ELOVL6: variants seen among roughly 807,000 people sequenced by gnomAD.
ELOVL6 encodes ELOVL fatty acid elongase 6.
ELOVL6 carries 8 observed loss-of-function variants against 31.7 expected under a neutral mutation model. That is an observed-to-expected ratio of 0.25 (90% CI 0.15 to 0.45). ELOVL6 has a LOEUF of 0.45. ELOVL6 is among the 20% of genes least tolerant of loss of function. ELOVL6 has a pLI of 1.00. For synonymous variants in ELOVL6, 101 were observed against 117.7 expected (o/e 0.86, Z 0.92); for missense variants, 126 against 326.4 (o/e 0.39, Z 4.73).
chr4:110,055,488 C>T (rs1754956456), intron 3 of ELOVL6, among the ~76,000 whole-genome samples: 1 of 152,206 alleles, frequency 6.6e-6, no homozygotes, highest in Non-Finnish European at 1.5e-5. Context: ...TTTGGTCCAA[C>T]TATTTTCATT....
chr4:110,080,959 G>A (rs1460626676), intron 2 of ELOVL6, among the ~76,000 whole-genome samples: 4 of 152,094 alleles, frequency 2.6e-5, no homozygotes, highest in African/African-American at 9.7e-5. Context: ...CAGACTAACA[G>A]AGAGCCAAAT....
At chr4:110,062,154 T>C (rs897049965) in intron 2 of ELOVL6, among the ~76,000 whole-genome samples, 1 of 152,138 alleles carries the variant, frequency 6.6e-6, no homozygotes, top group Non-Finnish European at 1.5e-5. Flanking sequence ...ATTCACAAGT[T>C]TGAGGGCTAG....
At chr4:110,078,438 C>T (rs1250853431) in intron 2 of ELOVL6, among the ~76,000 whole-genome samples, 1 of 152,204 alleles carries the variant, frequency 6.6e-6, no homozygotes, top group Non-Finnish European at 1.5e-5. Flanking sequence ...CAATATTCAA[C>T]ATTCTTAAAG....
intron 1 of ELOVL6, among the ~76,000 whole-genome samples, chr4:110,185,610 T>C (rs1422540946): frequency 6.6e-6 from 1 of 152,138 alleles, no homozygotes; most frequent in Non-Finnish European, 1.5e-5. Context: ...ATTTGAGAAA[T>C]GGCTTAGAAA....
In ELOVL6 at chr4:110,154,342, G is replaced by A. The variant is rs1380172364; in HGVS notation, c.89+43905C>T. On this transcript the variant is annotated intron_variant, in intron 1 of 3. Transcript: ENST00000302274. ...GCGCTATCAGCTCACTGCAGCCTCC[G>A]CCTCCCAGGTTCAGGTGATTCTCCT... 2.6e-5 allele frequency among the ~76,000 whole-genome samples: 4 copies of A among 152,064 alleles called. No homozygotes were observed. In the South Asian group the frequency reaches 6.2e-4, roughly 24 times the overall value.
intron 1 of ELOVL6, among the ~76,000 whole-genome samples, chr4:110,172,368 G>A (rs1758974228): frequency 6.6e-6 from 1 of 152,154 alleles, no homozygotes. Context: ...AGAAAGTCAT[G>A]TATTGATCAA....
At chr4:110,193,066 G>T (rs1234599721) in intron 1 of ELOVL6, among the ~76,000 whole-genome samples, 2 of 152,158 alleles carry the variant, frequency 1.3e-5, no homozygotes, top group East Asian at 3.9e-4. Context: ...GTAGAAGGTT[G>T]CAAGGAAGAC....
chr4:110,083,980 CCATATACGA>C (rs1372525571), intron 2 of ELOVL6, among the ~76,000 whole-genome samples: 5,632 of 71,244 alleles, frequency 0.079, 1,118 homozygotes, highest in Middle Eastern at 0.1. Context: ...ATAACATATG[CCATATACGA>C]TATATAACAT....
intron 1 of ELOVL6, among the ~76,000 whole-genome samples, chr4:110,126,867 C>A (rs1289479030): frequency 2.0e-5 from 3 of 152,062 alleles, no homozygotes; most frequent in African/African-American, 7.2e-5. Flanking sequence ...TCCAGAATCC[C>A]TCAGGACTCT....
chr4:110,053,756 G>A (rs553792918), intron 3 of ELOVL6, among the ~76,000 whole-genome samples: 1 of 152,254 alleles, frequency 6.6e-6, no homozygotes, highest in South Asian at 2.1e-4. Flanking sequence ...TGGCTAACAC[G>A]GTGAAACCCC....
chr4:110,171,463 C>T (rs1024834823), intron 1 of ELOVL6, among the ~76,000 whole-genome samples: 22 of 148,726 alleles, frequency 1.5e-4, no homozygotes, highest in African/African-American at 5.3e-4. Flanking sequence ...TAGATCATAC[C>T]TTTTTTGTCC....
In ELOVL6 at chr4:110,059,608, T is replaced by G; in HGVS notation, c.368A>C (p.Glu123Ala). 1 of 1,613,546 alleles carries G rather than the reference T, an allele frequency of 6.2e-7. No homozygotes were observed. The highest frequency in any genetic ancestry group is 8.5e-7 in the Non-Finnish European group (1 of 1,179,700). The stretch of plus-strand genomic sequence containing the variant: ...AAATGGAAGAAGATACTCACCTAGT[T>G]CGGGTGCTTTGCTTAGCACAAATGC... ...AYAFVLSKAP[E>A]LGDTIFIILR... Residue 123 changes from glutamate to alanine, a missense_variant, in exon 3 of 4, where the codon GAA becomes GCA. This residue lies in a region of ELOVL6 where 53 missense variants were observed against 193.4 expected (regional missense o/e 0.27). Transcript: ENST00000302274.
At chr4:110,140,417 T>G (rs2126260965) in intron 1 of ELOVL6, among the ~76,000 whole-genome samples, 1 of 152,190 alleles carries the variant, frequency 6.6e-6, no homozygotes. Flanking sequence ...TAAATTGTAT[T>G]TTTGTTATCA....
chr4:110,125,505 A>G (rs761686838), intron 1 of ELOVL6, among the ~76,000 whole-genome samples: 7 of 151,974 alleles, frequency 4.6e-5, no homozygotes, highest in Non-Finnish European at 1.0e-4. Flanking sequence ...ATAAAAAGTA[A>G]TTTTCTTTAC....
chr4:110,085,456 G>A (rs41390444), intron 2 of ELOVL6, among the ~76,000 whole-genome samples: 3,234 of 152,292 alleles, frequency 0.021, 89 homozygotes, highest in African/African-American at 0.065. Context: ...TGAGTAAAGA[G>A]TAAGTGTGCC....
chr4:110,178,566 A>AT (rs1390598634), intron 1 of ELOVL6, among the ~76,000 whole-genome samples: 2 of 151,586 alleles, frequency 1.3e-5, no homozygotes, highest in African/African-American at 4.9e-5. Context: ...AAAAAAAAAA[A>AT]GGAAAATGGG....
chr4:110,088,442 G>T (rs566156479), intron 2 of ELOVL6, among the ~76,000 whole-genome samples: 1 of 152,106 alleles, frequency 6.6e-6, no homozygotes, highest in Non-Finnish European at 1.5e-5. Flanking sequence ...CAGATTTAAT[G>T]GCTTTTCCAT....
chr4:110,168,335 C>T (rs1013644600), intron 1 of ELOVL6, among the ~76,000 whole-genome samples: 4 of 151,734 alleles, frequency 2.6e-5, no homozygotes, highest in Admixed American at 2.0e-4. Flanking sequence ...GGCAACAAGG[C>T]GAAACCCCGT....
At chr4:110,126,195 C>T (rs188994110) in intron 1 of ELOVL6, among the ~76,000 whole-genome samples, 43 of 152,092 alleles carry the variant, frequency 2.8e-4, no homozygotes, top group Non-Finnish European at 5.4e-4. Context: ...AGGCATGTAC[C>T]GCCATGCCCA....
Sources: gnomAD v4.1 joint callset for allele counts (sites outside exome capture counted in the v4.1 genomes callset) on GRCh38, gnomAD v4.1.1 for gene constraint, gnomAD v4.1.1 regional missense constraint, MANE v1.5 for transcripts, NCBI Gene and HGNC (gene_info 2026-07-23, HGNC 2026-07-21) for gene names.